FANCL: variants seen among roughly 807,000 people sequenced by gnomAD.
FANCL encodes the protein FA complementation group L.
A neutral mutation model predicts 59.4 loss-of-function variants in FANCL; 69 were observed. That is an observed-to-expected ratio of 1.16 (90% CI 0.96 to 1.42). The LOEUF is 1.42. Ranked by LOEUF, FANCL falls within the 40% of genes most tolerant of loss-of-function variation. FANCL has a pLI of 0.00. For missense variants in FANCL, 519 were observed against 447.2 expected, an observed-to-expected ratio of 1.16 and a Z score of -1.45; for synonymous variants, 180 against 147.1, an observed-to-expected ratio of 1.22 and a Z score of -1.62.
At chr2:58,172,887 G>T (rs1471233767) in intron 7 of FANCL, among the ~76,000 whole-genome samples, 1 of 152,036 alleles carries the variant, frequency 6.6e-6, no homozygotes, top group Non-Finnish European at 1.5e-5. Context: ...TGAAAACTTT[G>T]AAAAAAATTT....
chr2:58,169,423 G>A (rs1048272479), intron 7 of FANCL, among the ~76,000 whole-genome samples: 7 of 152,070 alleles, frequency 4.6e-5, no homozygotes, highest in African/African-American at 1.7e-4. Context: ...AAGACCAAAC[G>A]TAGATAAATC....
intron 3 of FANCL, 82 bp from the exon 4 acceptor site, chr2:58,226,866 G>A (rs1033653170): frequency 1.4e-5 from 16 of 1,154,946 alleles, no homozygotes; most frequent in Non-Finnish European, 2.1e-5. Flanking sequence ...GTAGGCCCAA[G>A]TGAATGTGAA....
intron 7 of FANCL, among the ~76,000 whole-genome samples, chr2:58,170,283 A>ATTCACTC: frequency 6.6e-6 from 1 of 152,202 alleles, no homozygotes; most frequent in Non-Finnish European, 1.5e-5. Context: ...ATCCCGCCAA[A>ATTCACTC]CTAACCTTCA....
At chr2:58,163,548 A>T (rs1386727031) in intron 8 of FANCL, 31 bp from the exon 9 acceptor site, 1 of 1,345,308 alleles carries the variant, frequency 7.4e-7, no homozygotes, top group African/African-American at 1.4e-5. Context: ...ATCTTTTAGA[A>T]GTAGAACAGC....
chr2:58,163,919 T>C (rs937529127), intron 8 of FANCL, among the ~76,000 whole-genome samples: 2 of 152,014 alleles, frequency 1.3e-5, no homozygotes, highest in South Asian at 2.1e-4. Flanking sequence ...CATAGAACTA[T>C]GGCCAAATGT....
At chr2:58,176,329 C>T (rs1687306321) in intron 7 of FANCL, among the ~76,000 whole-genome samples, 1 of 152,002 alleles carries the variant, frequency 6.6e-6, no homozygotes. Context: ...CAAGTCAATC[C>T]TAAGCCAAAA....
At chr2:58,216,616 A>G (rs1484243832) in intron 5 of FANCL, among the ~76,000 whole-genome samples, 2 of 152,220 alleles carry the variant, frequency 1.3e-5, no homozygotes, top group Non-Finnish European at 2.9e-5. Context: ...AGTTATGAAA[A>G]TAAAGAAAAG....
At chr2:58,200,867 A>G (rs1558786357) in intron 6 of FANCL, among the ~76,000 whole-genome samples, 1 of 111,568 alleles carries the variant, frequency 9.0e-6, no homozygotes, top group Non-Finnish European at 1.8e-5. Context: ...CAATATGTAT[A>G]TAATAAATTA....
intron 3 of FANCL, 60 bp from the exon 4 acceptor site, chr2:58,226,844 CTG>C (rs2103837669): frequency 6.9e-7 from 1 of 1,442,320 alleles, no homozygotes; most frequent in Admixed American, 1.7e-5. Flanking sequence ...TCCACTAAAA[CTG>C]TAAAAAAATG....
intron 6 of FANCL, among the ~76,000 whole-genome samples, chr2:58,199,101 T>C (rs1689737309): frequency 6.6e-6 from 1 of 151,984 alleles, no homozygotes; most frequent in Non-Finnish European, 1.5e-5. Flanking sequence ...ATGTATTACA[T>C]ATAAATATTT....
At position 58,183,172 on chromosome 2, in the gene FANCL, TA is replaced by T. The variant is rs1480391086; in HGVS notation, c.540+15421del. Among the ~76,000 whole-genome samples the T allele has an allele frequency of 4.6e-5, 7 of 151,768 alleles. No homozygotes were observed. In the South Asian group the frequency reaches 1.2e-3, roughly 27 times the overall value. On this transcript the variant is annotated intron_variant, in intron 7 of 13. Transcript: ENST00000233741. ...ATACCCTTAATATATATAAGGTTAC[TA>T]AAAAATATTTAAAATAAAAATGAAC...
At chr2:58,207,427 G>A (rs1384565218) in intron 5 of FANCL, among the ~76,000 whole-genome samples, 2 of 152,158 alleles carry the variant, frequency 1.3e-5, no homozygotes, top group African/African-American at 4.8e-5. Flanking sequence ...AGCCACACAT[G>A]GCTACTGAAC....
chr2:58,190,515 GAAAGAAA>G (rs1188962533), intron 7 of FANCL, among the ~76,000 whole-genome samples: 1 of 135,644 alleles, frequency 7.4e-6, no homozygotes, highest in Non-Finnish European at 1.6e-5. Flanking sequence ...CAGAAAAAAA[GAAAGAAA>G]AAAGAAAAAA....
At chr2:58,168,793 G>A (rs1686225615) in intron 7 of FANCL, among the ~76,000 whole-genome samples, 1 of 152,096 alleles carries the variant, frequency 6.6e-6, no homozygotes, top group South Asian at 2.1e-4. Context: ...TGAGGCTTGA[G>A]TACGTGGTTT....
At chr2:58,238,636 A>G (rs1385903304) in intron 1 of FANCL, among the ~76,000 whole-genome samples, 2 of 152,224 alleles carry the variant, frequency 1.3e-5, no homozygotes, top group Non-Finnish European at 2.9e-5. Flanking sequence ...AACTGATTAC[A>G]TATTAGGTCA....
At chr2:58,233,092 A>G (rs552704552) in intron 1 of FANCL, among the ~76,000 whole-genome samples, 1 of 152,232 alleles carries the variant, frequency 6.6e-6, no homozygotes, top group South Asian at 2.1e-4. Context: ...AAAATGTACT[A>G]CTGACCTTTT....
At chr2:58,197,249 T>G (rs1689526340) in intron 7 of FANCL, among the ~76,000 whole-genome samples, 1 of 151,868 alleles carries the variant, frequency 6.6e-6, no homozygotes, top group Non-Finnish European at 1.5e-5. Flanking sequence ...CAAGACTATT[T>G]AAATCCTATT....
intron 7 of FANCL, among the ~76,000 whole-genome samples, chr2:58,168,390 T>C (rs1270769724): frequency 6.6e-6 from 1 of 152,154 alleles, no homozygotes; most frequent in African/African-American, 2.4e-5. Flanking sequence ...CATGAGGGAC[T>C]GTGCCATGAG....
intron 7 of FANCL, among the ~76,000 whole-genome samples, chr2:58,183,597 T>C (rs1688129528): frequency 6.6e-6 from 1 of 151,940 alleles, no homozygotes; most frequent in African/African-American, 2.4e-5. Flanking sequence ...CTTTCACTGG[T>C]CCCTAATTAG....
Sources: allele counts gnomAD v4.1 joint callset (sites outside exome capture counted in the v4.1 genomes callset), GRCh38; gene constraint gnomAD v4.1.1; transcripts MANE v1.5; gene names NCBI Gene and HGNC (gene_info 2026-07-23, HGNC 2026-07-21).